The following LRRFIP2 variants were observed in gnomAD, a reference collection of about 807,000 sequenced individuals.
LRRFIP2 encodes leucine-rich repeat flightless-interacting protein 2.
LRRFIP2 carries 109 observed loss-of-function variants against 125.9 expected under a neutral mutation model. That is an observed-to-expected ratio of 0.87 (90% confidence interval 0.74 to 1.01). LRRFIP2 has a LOEUF of 1.01. Among genes scored for constraint, LRRFIP2 ranks in the 50% least tolerant of loss-of-function variants. The probability of loss-of-function intolerance (pLI) is 0.00; values close to 1 mark genes in which losing one functional copy is unlikely to be tolerated. For synonymous variants in LRRFIP2, 291 were observed against 293.1 expected (o/e 0.99, Z 0.07); for missense variants, 850 against 862.3 (o/e 0.99, Z 0.18).
intron 15 of LRRFIP2, among the ~76,000 whole-genome samples, chr3:37,100,758 C>A (rs2093993668): frequency 6.6e-6 from 1 of 152,014 alleles, no homozygotes; most frequent in Admixed American, 6.6e-5. Flanking sequence ...GTTTAATTGT[C>A]CATACTTATG....
chr3:37,069,562 G>C (rs1451724089), intron 21 of LRRFIP2, among the ~76,000 whole-genome samples: 1 of 152,212 alleles, frequency 6.6e-6, no homozygotes, highest in African/African-American at 2.4e-5. Context: ...GGGTTTGGGA[G>C]AAGGGACTGA....
At chr3:37,175,090 T>C (rs1391465906), upstream of LRRFIP2, 1 of 152,232 alleles carries the variant, frequency 6.6e-6, no homozygotes, top group African/African-American at 2.4e-5. Context: ...TCATATAGAT[T>C]TATCCTCAAA....
At chr3:37,091,346 G>T in intron 18 of LRRFIP2, 121 bp downstream of exon 18, 1 of 635,996 alleles carries the variant, frequency 1.6e-6, no homozygotes, top group Non-Finnish European at 2.6e-6. Flanking sequence ...TTAAGCACAT[G>T]CTTGAAAGAC....
chr3:37,117,366 T>TA (rs942164860), intron 6 of LRRFIP2, among the ~76,000 whole-genome samples: 23 of 151,328 alleles, frequency 1.5e-4, no homozygotes, highest in African/African-American at 2.9e-4. Flanking sequence ...TCAGCTGGTT[T>TA]AAAAAAAAAT....
chr3:37,059,829 A>T (rs369315157), intron 24 of LRRFIP2, among the ~76,000 whole-genome samples: 1 of 151,770 alleles, frequency 6.6e-6, no homozygotes, highest in African/African-American at 2.4e-5. Flanking sequence ...ATACATAGAG[A>T]TGGCTTCCCC....
At chr3:37,166,600 G>A (rs896140430) in intron 1 of LRRFIP2, among the ~76,000 whole-genome samples, 1 of 152,116 alleles carries the variant, frequency 6.6e-6, no homozygotes, top group Non-Finnish European at 1.5e-5. Context: ...CTCAACATAC[G>A]TAATCCCAGC....
chr3:37,081,892 GAAAAAAAAAA>G (rs67658865), intron 19 of LRRFIP2, among the ~76,000 whole-genome samples: 1 of 68,342 alleles, frequency 1.5e-5, no homozygotes, highest in Admixed American at 1.8e-4. Context: ...GTCTCCAAAA[GAAAAAAAAAA>G]AAAAAAAAAG....
chr3:37,080,080 T>G lies in LRRFIP2; in HGVS notation c.1278+3556A>C, dbSNP rs189823292. On this transcript the variant is annotated intron_variant, in intron 19 of 27. Coordinates refer to ENST00000336686, the MANE Select transcript of LRRFIP2 (RefSeq NM_006309.4). ...TGGATGATTTGTATGTTATTTGAAT[T>G]ATATCTCAATAAAGCTGCTTAAAAA... Among the ~76,000 whole-genome samples the G allele has an allele frequency of 4.6e-5, 7 of 152,270 alleles. No individual in the cohort carries two copies. The East Asian group carries it at 9.6e-4, about 21-fold the overall frequency.
Position 37,052,744 on chromosome 3 carries a change from C to G in LRRFIP2, c.*1107G>C, listed in dbSNP as rs2085880597. 1 of 152,114 alleles carries G rather than the reference C, an allele frequency of 6.6e-6. No individual in the cohort carries two copies. The highest frequency in any genetic ancestry group is 2.1e-4 in the South Asian group (1 of 4,830). The allele number at this position is 152,114 out of a possible 1,614,324, so 9.4% of individuals were successfully genotyped here. On this transcript the variant is annotated 3_prime_UTR_variant, in exon 28 of 28. Transcript: ENST00000336686. Reference sequence around the variant, plus strand: ...CCCCAATATATTTTCTGTGTAAGCACTTTAAAGATACAATAATCATTTCTA... The same window carrying G: ...CCCCAATATATTTTCTGTGTAAGCAGTTTAAAGATACAATAATCATTTCTA...
At chr3:37,128,387 T>C (rs1319354465) in intron 3 of LRRFIP2, among the ~76,000 whole-genome samples, 2 of 152,190 alleles carry the variant, frequency 1.3e-5, no homozygotes, top group African/African-American at 2.4e-5. Flanking sequence ...TTTATTTCAT[T>C]TTAATCAGCC....
chr3:37,088,558 A>G (rs2093232486), intron 18 of LRRFIP2, among the ~76,000 whole-genome samples: 1 of 151,014 alleles, frequency 6.6e-6, no homozygotes. Context: ...AATGTCTGTC[A>G]TCCCAATGCT....
At chr3:37,128,519 C>T (rs984765812) in intron 3 of LRRFIP2, among the ~76,000 whole-genome samples, 1 of 152,068 alleles carries the variant, frequency 6.6e-6, no homozygotes, top group South Asian at 2.1e-4. Flanking sequence ...ATAATTCCAC[C>T]ATAGACAAAC....
At chr3:37,075,224 ACTC>A (rs1020023223) in intron 19 of LRRFIP2, 108 bp from the exon 20 acceptor site, 9 of 588,404 alleles carry the variant, frequency 1.5e-5, no homozygotes, top group Non-Finnish European at 2.6e-5. Flanking sequence ...ACATGCCCAA[ACTC>A]CTGATTCATA....
chr3:37,116,616 T>C (rs116438584), intron 6 of LRRFIP2, among the ~76,000 whole-genome samples: 2,083 of 152,264 alleles, frequency 0.014, 44 homozygotes, highest in African/African-American at 0.046. Flanking sequence ...GTGTAAAATG[T>C]ATTTCTTGTT....
intron 15 of LRRFIP2, among the ~76,000 whole-genome samples, chr3:37,097,969 A>G (rs1451398687): frequency 6.6e-6 from 1 of 152,218 alleles, no homozygotes; most frequent in Non-Finnish European, 1.5e-5. Context: ...TCTAGAGAAG[A>G]GATCTGAAAA....
chr3:37,113,009 A>G, intron 7 of LRRFIP2, 29 bp from the exon 8 acceptor site: 1 of 1,291,668 alleles, frequency 7.7e-7, no homozygotes, highest in Non-Finnish European at 1.1e-6. Context: ...AGTTAACTTC[A>G]ATGATTGCAT....
intron 14 of LRRFIP2, among the ~76,000 whole-genome samples, chr3:37,104,887 C>T (rs1209188581): frequency 6.6e-6 from 1 of 151,662 alleles, no homozygotes; most frequent in Non-Finnish European, 1.5e-5. Context: ...CTTTGCTACC[C>T]ACACTGGAGT....
intron 1 of LRRFIP2, among the ~76,000 whole-genome samples, chr3:37,169,947 T>C (rs1288303453): frequency 6.6e-6 from 1 of 152,226 alleles, no homozygotes; most frequent in Non-Finnish European, 1.5e-5. Flanking sequence ...TTATTTCTTT[T>C]CTTTTTCTTT....
intron 1 of LRRFIP2, among the ~76,000 whole-genome samples, chr3:37,166,196 G>T (rs965309319): frequency 5.9e-5 from 9 of 152,144 alleles, no homozygotes; most frequent in African/African-American, 2.2e-4. Flanking sequence ...CAGGCATGGT[G>T]GCGCATGCCT....
Sources: gnomAD v4.1 joint callset for allele counts (sites outside exome capture counted in the v4.1 genomes callset) on GRCh38, gnomAD v4.1.1 for gene constraint, MANE v1.5 for transcripts, NCBI Gene and HGNC (gene_info 2026-07-23, HGNC 2026-07-21) for gene names.